The following ZNF492 variants were observed in gnomAD, a reference collection of about 807,000 sequenced individuals.
The protein encoded by ZNF492 is zinc finger protein 115 (Y20).
ZNF492 carries 3 observed loss-of-function variants against 6.4 expected under a neutral mutation model. The ratio of observed to expected loss-of-function variants is 0.47; its 90% confidence interval spans 0.21 to 1.22. The LOEUF (loss-of-function observed/expected upper bound fraction) is 1.22. Among genes scored for constraint, ZNF492 ranks in the 50% most tolerant of loss-of-function variants. The pLI is 0.22. For synonymous variants in ZNF492, 112 were observed against 205.3 expected (o/e 0.55, Z 3.89); for missense variants, 356 against 612.5 (o/e 0.58, Z 4.42).
At chr19:22,635,316 C>T (rs1971749973) in intron 1 of ZNF492, among the ~76,000 whole-genome samples, 1 of 152,178 alleles carries the variant, frequency 6.6e-6, no homozygotes, top group African/African-American at 2.4e-5. Flanking sequence ...CCCCCACACC[C>T]CATTTCTCCA....
chr19:22,656,219 T>A (rs570498800), intron 3 of ZNF492, among the ~76,000 whole-genome samples: 46 of 147,184 alleles, frequency 3.1e-4, no homozygotes, highest in Admixed American at 2.7e-3. Flanking sequence ...TGGAGAGGGG[T>A]AGGTAGCTTG....
intron 1 of ZNF492, among the ~76,000 whole-genome samples, chr19:22,652,014 A>G (rs1217238451): frequency 1.3e-5 from 2 of 152,142 alleles, no homozygotes; most frequent in Non-Finnish European, 2.9e-5. Context: ...TTGGCTGGGC[A>G]ATATCATAGC....
chr19:22,635,264 T>C (rs1046359843), intron 1 of ZNF492, among the ~76,000 whole-genome samples: 4 of 152,118 alleles, frequency 2.6e-5, no homozygotes, highest in African/African-American at 9.7e-5. Context: ...TGATTTTCCC[T>C]GGCATTTTTC....
At chr19:22,640,748 C>A (rs182344721) in intron 1 of ZNF492, among the ~76,000 whole-genome samples, 1 of 152,162 alleles carries the variant, frequency 6.6e-6, no homozygotes, top group African/African-American at 2.4e-5. Flanking sequence ...CTATCTGGTC[C>A]TAGCCTATTT....
chr19:22,661,069 T>G (rs1972054169), intron 3 of ZNF492, among the ~76,000 whole-genome samples: 1 of 152,174 alleles, frequency 6.6e-6, no homozygotes, highest in Non-Finnish European at 1.5e-5. Flanking sequence ...TTCTTGTCTT[T>G]GATTTTTGAA....
Position 22,654,151 on chromosome 19 carries a change from T to A in ZNF492, c.130+136T>A, listed in dbSNP as rs1286812286. ...TAGTTTCTGGGAAGCCTGAATTTTT[T>A]AAATTTTGCTTTCACATAGAAGCAT... On this transcript the variant is annotated intron_variant, in intron 3 of 3. Transcript: ENST00000456783. 6 of 1,084,476 alleles carry A rather than the reference T, an allele frequency of 5.5e-6. No homozygotes were observed. In the African/African-American group the frequency reaches 6.7e-5, roughly 12 times the overall value. 67.2% of individuals were successfully genotyped at this position (1,084,476 alleles called of 1,614,324 possible). A position where few individuals can be genotyped will look rare whatever the true frequency, so the allele number is the denominator to read the frequency against.
At chr19:22,640,865 G>T (rs966917392) in intron 1 of ZNF492, among the ~76,000 whole-genome samples, 1 of 152,020 alleles carries the variant, frequency 6.6e-6, no homozygotes, top group African/African-American at 2.4e-5. Flanking sequence ...ATTTATTCAA[G>T]AATTTTTCCA....
At chr19:22,638,456 A>G (rs1326371825) in intron 1 of ZNF492, among the ~76,000 whole-genome samples, 1 of 152,082 alleles carries the variant, frequency 6.6e-6, no homozygotes, top group African/African-American at 2.4e-5. Context: ...TTCCAGTACC[A>G]TTTATTAAAT....
At chr19:22,650,454 G>T (rs544228913) in intron 1 of ZNF492, among the ~76,000 whole-genome samples, 1 of 151,736 alleles carries the variant, frequency 6.6e-6, no homozygotes, top group Non-Finnish European at 1.5e-5. Context: ...GGTGGAGGGG[G>T]TATGCTTCAC....
At position 22,665,393 on chromosome 19, in the gene ZNF492, C is replaced by A; in HGVS notation, c.*128C>A. On this transcript the variant is annotated 3_prime_UTR_variant, in exon 4 of 4. Coordinates refer to ENST00000456783, the MANE Select transcript of ZNF492 (RefSeq NM_020855.3). ...TGGCAAAACTTACACAATGCTCAAA[C>A]CTTATTGCACAGGAAAGCCTTTATA... The A allele has an allele frequency of 1.4e-6, 2 of 1,459,978 alleles. No individual in the cohort carries two copies. The highest frequency in any genetic ancestry group is 5.0e-5 in the East Asian group (2 of 40,340). The allele number at this position is 1,459,978 out of a possible 1,614,324, so 90.4% of individuals were successfully genotyped here.
rs1379529428 is a variant in ZNF492 at position 22,653,548 on chromosome 19, C to T, written c.34+115C>T. On this transcript the variant is annotated intron_variant, in intron 2 of 3. Transcript: ENST00000456783. ...TCAGATCTCTGTTTTTTGTTTTTAA[C>T]TTCAAGATTTGTCTATGTAGAAAAG... The T allele has an allele frequency of 3.5e-6, 4 of 1,138,020 alleles. No homozygotes were observed. In the African/African-American group the frequency reaches 1.1e-4, roughly 32 times the overall value. The allele number at this position is 1,138,020 out of a possible 1,614,324, so 70.5% of individuals were successfully genotyped here.
chr19:22,644,865 T>A (rs556074805), intron 1 of ZNF492, among the ~76,000 whole-genome samples: 22 of 152,332 alleles, frequency 1.4e-4, no homozygotes, highest in Middle Eastern at 3.4e-3. Context: ...AGCATTCCTA[T>A]TTCTTCACAG....
At chr19:22,660,678 G>A (rs2145260886) in intron 3 of ZNF492, among the ~76,000 whole-genome samples, 1 of 150,210 alleles carries the variant, frequency 6.7e-6, no homozygotes, top group African/African-American at 2.5e-5. Context: ...AATGCCACAA[G>A]ATTCTGTTTT....
chr19:22,636,699 A>C (rs1971769293), intron 1 of ZNF492, among the ~76,000 whole-genome samples: 1 of 150,774 alleles, frequency 6.6e-6, no homozygotes, highest in Non-Finnish European at 1.5e-5. Context: ...CAATGGCACG[A>C]TCTTGGCTCA....
intron 3 of ZNF492, among the ~76,000 whole-genome samples, chr19:22,659,984 T>C (rs190898660): frequency 1.8e-3 from 280 of 152,296 alleles, no homozygotes; most frequent in African/African-American, 6.3e-3. Context: ...TAAGTTTTAA[T>C]GTCCTTTTTT....
At chr19:22,650,758 A>C (rs1040890527) in intron 1 of ZNF492, among the ~76,000 whole-genome samples, 1 of 152,160 alleles carries the variant, frequency 6.6e-6, no homozygotes, top group African/African-American at 2.4e-5. Flanking sequence ...CAAGCCGTCC[A>C]GCATCCCTGG....
At position 22,663,987 on chromosome 19, in the gene ZNF492, G is replaced by A. The variant is rs568059046; in HGVS notation, c.318G>A (p.Thr106=). 23 of 1,611,744 alleles carry A rather than the reference G, an allele frequency of 1.4e-5. No individual in the cohort carries two copies. Among genetic ancestry groups the A allele is most frequent in the African/African-American group, 8.0e-5 (6 of 74,974 alleles). The change falls in exon 4 of 4, where the codon ACG becomes ACA. Residue 106 remains threonine (T), a synonymous_variant. Coordinates refer to ENST00000456783, the MANE Select transcript of ZNF492 (RefSeq NM_020855.3). ...ACAATGGACTTAACCAGTGTTTGACGACTACCCAGAACAAAATATTTCAAT... is the reference window on the plus strand; with the variant it reads ...ACAATGGACTTAACCAGTGTTTGACAACTACCCAGAACAAAATATTTCAAT... The part of the protein sequence containing the change: ...ECYNGLNQCL[T]TTQNKIFQCD...
intron 1 of ZNF492, among the ~76,000 whole-genome samples, chr19:22,637,487 G>A (rs1971781233): frequency 6.6e-6 from 1 of 151,722 alleles, no homozygotes; most frequent in Non-Finnish European, 1.5e-5. Context: ...GTAGAGACAG[G>A]GTCTTGACAT....
chr19:22,665,285 A>G lies in ZNF492; in HGVS notation c.*20A>G, dbSNP rs1411002823. ...AAATAATAGAAATATGAATGTGACA[A>G]AGCCTTTAAATGGTTATCACACTGG... On this transcript the variant is annotated 3_prime_UTR_variant, in exon 4 of 4. Transcript: ENST00000456783. 17 of 1,517,508 alleles carry G rather than the reference A, an allele frequency of 1.1e-5. No homozygotes were observed. The highest frequency in any genetic ancestry group is 1.4e-5 in the Non-Finnish European group (16 of 1,133,462). The allele number at this position is 1,517,508 out of a possible 1,614,324, so 94.0% of individuals were successfully genotyped here.
Sources: gnomAD v4.1 joint callset for allele counts (sites outside exome capture counted in the v4.1 genomes callset) on GRCh38, gnomAD v4.1.1 for gene constraint, MANE v1.5 for transcripts, NCBI Gene and HGNC (gene_info 2026-07-23, HGNC 2026-07-21) for gene names.